The following CD164 variants were observed in gnomAD, a reference collection of about 807,000 sequenced individuals.
CD164 encodes the protein CD164 molecule.
CD164 carries 11 observed loss-of-function variants against 24.6 expected under a neutral mutation model. That is an observed-to-expected ratio of 0.45 (90% CI 0.28 to 0.74). CD164 has a LOEUF of 0.74. CD164 is among the 30% of genes least tolerant of loss of function. The pLI, the probability that CD164 is intolerant of heterozygous loss-of-function variation, is 0.13. For synonymous variants in CD164, 126 were observed against 100.3 expected (o/e 1.26, Z -1.53); for missense variants, 295 against 243.7 (o/e 1.21, Z -1.40).
intron 1 of CD164, chr6:109,379,874 AC>A: frequency 2.1e-6 from 1 of 477,650 alleles, no homozygotes; most frequent in East Asian, 3.8e-5. Flanking sequence ...GCTAGTGGTC[AC>A]TCTCAGTACA....
At chr6:109,369,193 T>C (rs1026014712) in intron 5 of CD164, among the ~76,000 whole-genome samples, 176 bp from the exon 6 acceptor site, 40 of 152,196 alleles carry the variant, frequency 2.6e-4, no homozygotes, top group African/African-American at 9.6e-4. Context: ...CCATTTTTCA[T>C]TCCACCCAAG....
Position 109,366,972 on chromosome 6 carries a change from G to A in CD164, c.*1879C>T, listed in dbSNP as rs1770794602. The A allele has an allele frequency of 6.6e-6, 1 of 152,174 alleles. No individual in the cohort carries two copies. Among genetic ancestry groups the A allele is most frequent in the Admixed American group, 6.5e-5 (1 of 15,274 alleles). The allele number at this position is 152,174 out of a possible 1,614,324, so 9.4% of individuals were successfully genotyped here. A position where few individuals can be genotyped will look rare whatever the true frequency, so the allele number is the denominator to read the frequency against. ...ATGTGTGTCAGGGAATTCATACCCA[G>A]GTAAATGACAATTACATCAGTATAG... On this transcript the variant is annotated 3_prime_UTR_variant, in exon 6 of 6. Transcript: ENST00000310786.
intron 1 of CD164, chr6:109,380,451 A>G (rs1245535742): frequency 2.0e-5 from 3 of 152,224 alleles, no homozygotes; most frequent in Admixed American, 6.5e-5. Context: ...GCCTCCAAAC[A>G]TTCTCGTTTG....
rs1771836892 is a variant in CD164 at position 109,382,432 on chromosome 6, A to T, written c.-54T>A. 6.9e-7 allele frequency: 1 copy of T among 1,444,278 alleles called. No homozygotes were observed. Among genetic ancestry groups the T allele is most frequent in the Non-Finnish European group, 9.2e-7 (1 of 1,090,532 alleles). 89.5% of individuals were successfully genotyped at this position (1,444,278 alleles called of 1,614,324 possible). ...AAGCTAAGGCTCGCAACGCTCAGTCAACCCCTCAATCCCCTGCGGCGCCGC... is the reference window on the plus strand; with the variant it reads ...AAGCTAAGGCTCGCAACGCTCAGTCTACCCCTCAATCCCCTGCGGCGCCGC... On this transcript the variant is annotated 5_prime_UTR_variant, in exon 1 of 6. Transcript: ENST00000310786.
chr6:109,374,872 A>C (rs1246853583), intron 4 of CD164, among the ~76,000 whole-genome samples: 2 of 152,050 alleles, frequency 1.3e-5, no homozygotes, highest in Non-Finnish European at 2.9e-5. Flanking sequence ...TCTGCATCCC[A>C]CCCAATACAC....
intron 4 of CD164, chr6:109,372,099 T>A (rs1771109063): frequency 6.6e-6 from 1 of 152,038 alleles, no homozygotes. Context: ...AGGGAAAGGG[T>A]GCCAAATAAC....
At chr6:109,381,675 CT>C (rs1771756480) in intron 1 of CD164, 1 of 680,906 alleles carries the variant, frequency 1.5e-6, no homozygotes, top group Non-Finnish European at 2.7e-6. Context: ...AAGCGACCTT[CT>C]CAGACTCAAG....
Position 109,368,632 on chromosome 6 carries a change from A to G in CD164, c.*219T>C, listed in dbSNP as rs1379883805. 32 of 1,358,600 alleles carry G rather than the reference A, an allele frequency of 2.4e-5. No homozygotes were observed. The highest frequency in any genetic ancestry group is 3.6e-5 in the Admixed American group (1 of 27,768). The allele number at this position is 1,358,600 out of a possible 1,614,324, so 84.2% of individuals were successfully genotyped here. A position where few individuals can be genotyped will look rare whatever the true frequency, so the allele number is the denominator to read the frequency against. The stretch of plus-strand genomic sequence containing the variant: ...AGCAGCTATTTAAAATAAGACAGCC[A>G]CAGGATTCATGCAGAATATTTTAAA... On this transcript the variant is annotated 3_prime_UTR_variant, in exon 6 of 6. Transcript: ENST00000310786.
chr6:109,379,587 T>G lies in CD164; in HGVS notation c.251A>C (p.Glu84Ala). ...TCCCCAAAGTTTCTTACCTTTACAT[T>G]CTATCCAAAAGCAGGTAGTATTAAC... is the stretch of plus-strand genomic sequence containing the variant. The part of the protein sequence containing the change: ...SVVNTTCFWI[E>A]CKDESYCSHN... Residue 84 changes from glutamate (E) to alanine (A), a missense_variant, in exon 2 of 6, where the codon GAA becomes GCA. Physicochemically the swap from Glu to Ala is moderately radical, Grantham distance 107. Coordinates refer to ENST00000310786, the MANE Select transcript of CD164 (RefSeq NM_006016.6). 5 of 1,611,154 alleles carry G rather than the reference T, an allele frequency of 3.1e-6. No individual in the cohort carries two copies. The highest frequency in any genetic ancestry group is 4.2e-6 in the Non-Finnish European group (5 of 1,178,766).
intron 4 of CD164, chr6:109,372,447 T>C (rs1027914483): frequency 6.6e-6 from 1 of 152,198 alleles, no homozygotes; most frequent in Non-Finnish European, 1.5e-5. Context: ...CTTCTTTTAT[T>C]AATATTGATA....
chr6:109,372,409 A>G (rs1771131292), intron 4 of CD164: 1 of 152,224 alleles, frequency 6.6e-6, no homozygotes, highest in African/African-American at 2.4e-5. Flanking sequence ...TAATTTTCAC[A>G]TGACCATGAG....
chr6:109,368,828 C>A lies in CD164; in HGVS notation c.*23G>T. Reference sequence around the variant, plus strand: ...TGAGTTACACAAATGAATCACCAGTCCTTATTAATTCAATGGGTCTGTTTA... The same window carrying A: ...TGAGTTACACAAATGAATCACCAGTACTTATTAATTCAATGGGTCTGTTTA... On this transcript the variant is annotated 3_prime_UTR_variant, in exon 6 of 6. Coordinates refer to ENST00000310786, the MANE Select transcript of CD164 (RefSeq NM_006016.6). 1 of 1,598,094 alleles carries A rather than the reference C, an allele frequency of 6.3e-7. No individual in the cohort carries two copies. Among genetic ancestry groups the A allele is most frequent in the African/African-American group, 1.4e-5 (1 of 73,786 alleles).
chr6:109,374,068 T>C (rs2115154107), intron 4 of CD164, among the ~76,000 whole-genome samples: 1 of 152,348 alleles, frequency 6.6e-6, no homozygotes, highest in Admixed American at 6.5e-5. Flanking sequence ...CACATACTTC[T>C]CTGGGCTTTT....
At position 109,368,899 on chromosome 6, in the gene CD164, A is replaced by T. The variant is rs1405998526; in HGVS notation, c.546T>A (p.Phe182Leu). Residue 182 changes from phenylalanine (F) to leucine (L), a missense_variant, in exon 6 of 6, where the codon TTT becomes TTA. By Grantham distance (22) the Phe-to-Leu change is conservative (BLOSUM62 0). Transcript: ENST00000310786. ...LVLGVQAVIF[F>L]LYKFCKSKER... ...CTTTAGATTTGCAGAATTTATAAAG[A>T]AAGAAAATTACAGCCTGCACACCCA... 6.2e-7 allele frequency: 1 copy of T among 1,613,492 alleles called. No homozygotes were observed. Among genetic ancestry groups the T allele is most frequent in the Admixed American group, 1.7e-5 (1 of 59,806 alleles).
At chr6:109,378,142 T>C (rs989668698) in intron 2 of CD164, among the ~76,000 whole-genome samples, 171 bp from the exon 3 acceptor site, 1 of 152,224 alleles carries the variant, frequency 6.6e-6, no homozygotes, top group Non-Finnish European at 1.5e-5. Flanking sequence ...AACCCTGTCA[T>C]TCTCCTTTTC....
At position 109,376,702 on chromosome 6, in the gene CD164, C is replaced by G. The variant is rs142822604; in HGVS notation, c.332-590G>C. ...GTACATCATCAAATATGCAGCAGTA[C>G]AAATACAGTTTTCCTTTAAATCAGT... On this transcript the variant is annotated intron_variant, in intron 3 of 5. Transcript: ENST00000310786. Among the ~76,000 whole-genome samples, 332 of 152,318 alleles carry G rather than the reference C, an allele frequency of 2.2e-3. 2 individuals carry two copies. Among genetic ancestry groups the G allele is most frequent in the African/African-American group, 7.6e-3 (315 of 41,558 alleles).
chr6:109,371,665 T>A (rs1342160613), intron 4 of CD164: 3 of 153,738 alleles, frequency 2.0e-5, no homozygotes, highest in Non-Finnish European at 4.4e-5. Flanking sequence ...TTTTCTAACA[T>A]CCAAATGGCT....
At chr6:109,378,394 C>G (rs1054492804) in intron 2 of CD164, among the ~76,000 whole-genome samples, 5 of 150,646 alleles carry the variant, frequency 3.3e-5, no homozygotes, top group African/African-American at 1.2e-4. Context: ...TCAGCCTGAC[C>G]AATATGGTGA....
chr6:109,379,917 T>TTGG (rs2115170235), intron 1 of CD164: 2 of 304,408 alleles, frequency 6.6e-6, no homozygotes, highest in East Asian at 1.3e-4. Flanking sequence ...ACCAATCCTT[T>TTGG]TTCACAGGAC....
Sources: gnomAD v4.1 joint callset for allele counts (sites outside exome capture counted in the v4.1 genomes callset) on GRCh38, gnomAD v4.1.1 for gene constraint, MANE v1.5 for transcripts, NCBI Gene and HGNC (gene_info 2026-07-23, HGNC 2026-07-21) for gene names.